Variants in AGBL1 observed in about 807,000 individuals in gnomAD.
AGBL1 encodes cytosolic carboxypeptidase 4.
A neutral mutation model predicts 118.9 loss-of-function variants in AGBL1; 130 were observed. The observed-to-expected ratio is 1.09, with a 90% confidence interval of 0.95 to 1.26. The LOEUF (loss-of-function observed/expected upper bound fraction) is 1.26. AGBL1 is among the 50% of genes most tolerant of loss of function. The pLI, the probability that AGBL1 is intolerant of heterozygous loss-of-function variation, is 0.00. For missense variants in AGBL1, 1,584 were observed against 1,298.1 expected (o/e 1.22, Z -3.38); for synonymous variants, 555 against 478.9 (o/e 1.16, Z -2.08).
intron 21 of AGBL1, among the ~76,000 whole-genome samples, chr15:86,573,003 C>G (rs1808410789): frequency 6.6e-6 from 1 of 152,184 alleles, no homozygotes; most frequent in Non-Finnish European, 1.5e-5. Flanking sequence ...CTTGTGTTCC[C>G]TAAATGTAAA....
chr15:86,499,988 C>G (rs1464890997), intron 18 of AGBL1, among the ~76,000 whole-genome samples: 2 of 151,842 alleles, frequency 1.3e-5, no homozygotes, highest in Non-Finnish European at 2.9e-5. Flanking sequence ...GTGTGACTCT[C>G]TTGGTTACTG....
intron 1 of AGBL1, among the ~76,000 whole-genome samples, chr15:86,128,155 T>C (rs2076772266): frequency 6.6e-6 from 1 of 152,146 alleles, no homozygotes; most frequent in African/African-American, 2.4e-5. Context: ...CTGGGTAATT[T>C]ATAAAGGAAA....
chr15:86,630,487 CT>C (rs2084946723), intron 21 of AGBL1: 1 of 152,238 alleles, frequency 6.6e-6, no homozygotes, highest in Non-Finnish European at 1.5e-5. Context: ...TGCAAGAGTG[CT>C]GTGCTTCTCA....
chr15:86,302,240 G>A (rs966996141), intron 17 of AGBL1, among the ~76,000 whole-genome samples: 2 of 152,128 alleles, frequency 1.3e-5, no homozygotes, highest in African/African-American at 4.8e-5. Flanking sequence ...ACCCTATCAT[G>A]TAAATATTTT....
chr15:86,524,405 G>T (rs1211104774), intron 19 of AGBL1, among the ~76,000 whole-genome samples: 1 of 152,188 alleles, frequency 6.6e-6, no homozygotes, highest in Non-Finnish European at 1.5e-5. Context: ...GGCATTCATG[G>T]CAGAGTACAG....
chr15:86,420,559 C>G (rs2081773515), intron 18 of AGBL1, among the ~76,000 whole-genome samples: 1 of 152,118 alleles, frequency 6.6e-6, no homozygotes, highest in African/African-American at 2.4e-5. Flanking sequence ...GCCTCTTCTC[C>G]AAAACCTCAC....
chr15:86,243,183 C>A (rs564796780), intron 6 of AGBL1, among the ~76,000 whole-genome samples: 1 of 152,134 alleles, frequency 6.6e-6, no homozygotes, highest in South Asian at 2.1e-4. Context: ...TGTTGTAGAA[C>A]GCGTAAGGAT....
At chr15:86,430,372 G>C (rs757042007) in intron 18 of AGBL1, among the ~76,000 whole-genome samples, 5 of 151,820 alleles carry the variant, frequency 3.3e-5, no homozygotes, top group African/African-American at 9.7e-5. Context: ...ATAGGCACCT[G>C]TAGTACCAGC....
At chr15:86,841,326 G>A (rs926314829) in intron 22 of AGBL1, among the ~76,000 whole-genome samples, 1 of 152,180 alleles carries the variant, frequency 6.6e-6, no homozygotes, top group African/African-American at 2.4e-5. Context: ...GGAGTATAAG[G>A]GGTCAGGGGC....
At chr15:86,673,748 T>C (rs1272037811) in intron 21 of AGBL1, among the ~76,000 whole-genome samples, 2 of 152,208 alleles carry the variant, frequency 1.3e-5, no homozygotes, top group African/African-American at 2.4e-5. Context: ...TTCATGCATA[T>C]ATGAGTACAG....
intron 22 of AGBL1, among the ~76,000 whole-genome samples, chr15:86,730,700 T>TG (rs756143268): frequency 2.6e-5 from 4 of 152,156 alleles, no homozygotes; most frequent in Non-Finnish European, 5.9e-5. Flanking sequence ...ACAAACTGCT[T>TG]GGAAAAAAAT....
chr15:86,204,494 C>A (rs1341256437), intron 5 of AGBL1, among the ~76,000 whole-genome samples: 1 of 123,524 alleles, frequency 8.1e-6, no homozygotes, highest in Admixed American at 7.9e-5. Context: ...TTTCCCTTCC[C>A]CTTCCCCTTC....
At chr15:86,167,377 C>A (rs573300662) in intron 5 of AGBL1, among the ~76,000 whole-genome samples, 4 of 152,136 alleles carry the variant, frequency 2.6e-5, no homozygotes, top group African/African-American at 9.6e-5. Context: ...TCCCAAGTAG[C>A]TGGGATTACA....
intron 22 of AGBL1, among the ~76,000 whole-genome samples, chr15:86,814,583 A>G (rs1033757735): frequency 6.6e-6 from 1 of 152,204 alleles, no homozygotes; most frequent in African/African-American, 2.4e-5. Context: ...CATCAGGTAG[A>G]GAGGAGTGGA....
intron 22 of AGBL1, among the ~76,000 whole-genome samples, chr15:86,708,058 C>A (rs1321069495): frequency 6.6e-6 from 1 of 152,136 alleles, no homozygotes; most frequent in Non-Finnish European, 1.5e-5. Context: ...TACTGCTTGA[C>A]AATTGCCATT....
At chr15:86,568,644 A>C (rs1392599436) in intron 21 of AGBL1, among the ~76,000 whole-genome samples, 1 of 152,216 alleles carries the variant, frequency 6.6e-6, no homozygotes, top group African/African-American at 2.4e-5. Context: ...GGTGGTATAG[A>C]CCCTGGAGCA....
chr15:86,731,729 C>G (rs2077530216), intron 22 of AGBL1, among the ~76,000 whole-genome samples: 1 of 152,232 alleles, frequency 6.6e-6, no homozygotes, highest in Non-Finnish European at 1.5e-5. Flanking sequence ...CAGAGTAAGT[C>G]ACTGACCTAA....
intron 22 of AGBL1, among the ~76,000 whole-genome samples, chr15:86,862,649 G>T (rs1421789057): frequency 6.6e-6 from 1 of 152,184 alleles, no homozygotes; most frequent in Non-Finnish European, 1.5e-5. Flanking sequence ...TGACCTGGGA[G>T]GCAAAGGTCA....
intron 22 of AGBL1, among the ~76,000 whole-genome samples, chr15:86,747,172 C>T (rs1165117760): frequency 2.0e-5 from 3 of 152,020 alleles, no homozygotes; most frequent in Non-Finnish European, 4.4e-5. Flanking sequence ...TGATTTCATG[C>T]TGCTTTTCCT....
Sources: gnomAD v4.1 joint callset for allele counts (sites outside exome capture counted in the v4.1 genomes callset) on GRCh38, gnomAD v4.1.1 for gene constraint, MANE v1.5 for transcripts, NCBI Gene and HGNC (gene_info 2026-07-23, HGNC 2026-07-21) for gene names.